The following NLRP11 variants were observed in gnomAD, a reference collection of about 807,000 sequenced individuals.
NLRP11 encodes the protein NACHT, LRR and PYD domains-containing protein 11.
Under a neutral mutation model 79.3 loss-of-function variants are expected in NLRP11, and 53 were observed. The observed-to-expected ratio is 0.67, with a 90% CI of 0.54 to 0.84. The LOEUF is 0.84. NLRP11 is among the 40% of genes least tolerant of loss of function. The pLI, the probability that NLRP11 is intolerant of heterozygous loss-of-function variation, is 0.00. For missense variants in NLRP11, 1,264 were observed against 1,255.0 expected (o/e 1.01, Z -0.11); for synonymous variants, 518 against 462.6 (o/e 1.12, Z -1.54).
chr19:55,813,083 T>C (rs1240246845), intron 2 of NLRP11, among the ~76,000 whole-genome samples: 1 of 152,058 alleles, frequency 6.6e-6, no homozygotes, highest in African/African-American at 2.4e-5. Flanking sequence ...ATCACAGCAC[T>C]TTGGGAGGCG....
intron 6 of NLRP11, among the ~76,000 whole-genome samples, chr19:55,794,860 AAATATAAAG>A (rs536099493): frequency 3.9e-5 from 6 of 152,336 alleles, no homozygotes; most frequent in East Asian, 1.9e-4. Context: ...TTTTTACAGA[AAATATAAAG>A]AATATAAAGA....
chr19:55,808,847 C>T (rs2122814048), exon 3 of NLRP11: 1 of 1,613,914 alleles, frequency 6.2e-7, no homozygotes, highest in East Asian at 2.2e-5. Flanking sequence ...CAGGTGACAG[C>T]AGTAATCCAG....
At chr19:55,810,292 C>T (rs752342572) in exon 3 of NLRP11, 5 of 1,613,458 alleles carry the variant, frequency 3.1e-6, no homozygotes, top group South Asian at 2.2e-5. Context: ...TTTCCCATTG[C>T]AGCATGAATT....
At chr19:55,801,606 G>C in exon 5 of NLRP11, 1 of 1,614,128 alleles carries the variant, frequency 6.2e-7, no homozygotes, top group Admixed American at 1.7e-5. Context: ...GGCTCGTGCA[G>C]GATGTCATGC....
At chr19:55,796,768 C>T (rs187144299) in intron 5 of NLRP11, among the ~76,000 whole-genome samples, 3 of 151,788 alleles carry the variant, frequency 2.0e-5, no homozygotes, top group African/African-American at 7.3e-5. Context: ...CTCACTGCAA[C>T]CTCTGCCTCC....
intron 1 of NLRP11, among the ~76,000 whole-genome samples, chr19:55,822,077 G>A (rs1981799155): frequency 6.6e-6 from 1 of 152,116 alleles, no homozygotes; most frequent in Non-Finnish European, 1.5e-5. Flanking sequence ...GGGCCATCAT[G>A]ATGAAACCCC....
At chr19:55,834,242 A>G (rs1391451247), upstream of NLRP11, among the ~76,000 whole-genome samples, 1 of 152,214 alleles carries the variant, frequency 6.6e-6, no homozygotes, top group African/African-American at 2.4e-5. Flanking sequence ...TACGTGCATC[A>G]CACATAACTG....
At chr19:55,816,720 G>T (rs1226604902) in intron 2 of NLRP11, among the ~76,000 whole-genome samples, 1 of 152,140 alleles carries the variant, frequency 6.6e-6, no homozygotes, top group Non-Finnish European at 1.5e-5. Context: ...TCTGTAGCTG[G>T]ATCTTATGGT....
intron 2 of NLRP11, among the ~76,000 whole-genome samples, chr19:55,812,521 A>T (rs1194536341): frequency 2.6e-5 from 4 of 152,216 alleles, no homozygotes; most frequent in African/African-American, 9.7e-5. Flanking sequence ...CGAATCAGAA[A>T]TGCAAATAAA....
At chr19:55,792,401 G>A (rs1320484875) in exon 7 of NLRP11, 1 of 1,614,106 alleles carries the variant, frequency 6.2e-7, no homozygotes, top group Non-Finnish European at 8.5e-7. Context: ...AGTTGTCTTA[G>A]AGTTGGGCTG....
chr19:55,806,761 T>C (rs748682244), intron 4 of NLRP11, among the ~76,000 whole-genome samples: 3 of 152,194 alleles, frequency 2.0e-5, no homozygotes, highest in Non-Finnish European at 4.4e-5. Context: ...ACCATGATCA[T>C]GCCATACATA....
chr19:55,809,446 C>G lies in NLRP11; in HGVS notation c.1164G>C (p.Gln388His). Residue 388 changes from glutamine (Q) to histidine (H), a missense_variant, in exon 3 of 10, where the codon CAG becomes CAC. Transcript: ENST00000589093. This position sits in a 1 kb window ranked among gnomAD's most constrained non-coding sequence, Gnocchi z 4.5. ...GACGTTTTAGGAGACCTAGGTGATA[C>G]TGATTGGCAGTAAGTCCAGCCTCTG... is the stretch of plus-strand genomic sequence containing the variant. 6.2e-7 allele frequency: 1 copy of G among 1,614,176 alleles called. No individual in the cohort carries two copies. Among genetic ancestry groups the G allele is most frequent in the Non-Finnish European group, 8.5e-7 (1 of 1,180,036 alleles).
At chr19:55,811,603 C>T (rs1363612499) in intron 2 of NLRP11, among the ~76,000 whole-genome samples, 3 of 152,090 alleles carry the variant, frequency 2.0e-5, no homozygotes, top group Admixed American at 6.5e-5. Flanking sequence ...TGCCTAGTTC[C>T]GACCTAGCAC....
intron 1 of NLRP11, among the ~76,000 whole-genome samples, chr19:55,818,562 A>C (rs11666496): frequency 0.19 from 28,599 of 152,096 alleles, 3,762 homozygotes; most frequent in African/African-American, 0.38. Flanking sequence ...GAAATTGTCA[A>C]CCCTATGCAG....
At chr19:55,824,283 C>A (rs956859697) in intron 1 of NLRP11, among the ~76,000 whole-genome samples, 46 of 149,304 alleles carry the variant, frequency 3.1e-4, no homozygotes, top group African/African-American at 1.1e-3. Flanking sequence ...TGGAAAGGAA[C>A]AACTGGTACC....
upstream of NLRP11, among the ~76,000 whole-genome samples, chr19:55,835,608 G>A (rs1207914679): frequency 4.7e-5 from 7 of 150,112 alleles, no homozygotes; most frequent in Non-Finnish European, 7.4e-5. Context: ...TTGGGAGGCC[G>A]AGGCGGGCAG....
intron 4 of NLRP11, among the ~76,000 whole-genome samples, chr19:55,802,346 T>A (rs1032495056): frequency 6.6e-6 from 1 of 152,102 alleles, no homozygotes; most frequent in Admixed American, 6.5e-5. Flanking sequence ...AAAATCAATG[T>A]ACAAAAATCA....
At chr19:55,785,492 GTCACACAC>G (rs1227781720) in exon 10 of NLRP11, 12,460 of 648,564 alleles carry the variant, frequency 0.019, 177 homozygotes, top group Middle Eastern at 0.061. Flanking sequence ...CTGGATCAAG[GTCACACAC>G]ACACACACAC....
chr19:55,808,980 G>T (rs1171302407), exon 3 of NLRP11: 1 of 1,613,968 alleles, frequency 6.2e-7, no homozygotes, highest in African/African-American at 1.3e-5. Context: ...TAAAACAAAG[G>T]CATATGGTGC....
Sources: allele counts gnomAD v4.1 joint callset (sites outside exome capture counted in the v4.1 genomes callset), GRCh38; gene constraint gnomAD v4.1.1; non-coding constraint Gnocchi (gnomAD v3.1); transcripts MANE v1.5; gene names NCBI Gene and HGNC (gene_info 2026-07-23, HGNC 2026-07-21).